FOXP1: variants seen among roughly 807,000 people sequenced by gnomAD.
FOXP1 encodes the protein forkhead box P1, also known as forkhead box protein P1.
FOXP1 carries 15 observed loss-of-function variants against 98.2 expected under a neutral mutation model. That is an observed-to-expected ratio of 0.15 (90% CI 0.10 to 0.24). FOXP1 has a LOEUF of 0.24. Among genes scored for constraint, FOXP1 ranks in the 10% least tolerant of loss-of-function variants. The pLI, the probability that FOXP1 is intolerant of heterozygous loss-of-function variation, is 1.00. For missense variants in FOXP1, 633 were observed against 848.5 expected, an observed-to-expected ratio of 0.75 and a Z score of 3.15; for synonymous variants, 371 against 314.5, an observed-to-expected ratio of 1.18 and a Z score of -1.90.
chr3:71,205,903 G>A (rs149140238), intron 5 of FOXP1, among the ~76,000 whole-genome samples: 32 of 152,184 alleles, frequency 2.1e-4, no homozygotes, highest in African/African-American at 6.7e-4. Flanking sequence ...AATGTAATAC[G>A]GCAGCTTTCT....
intron 3 of FOXP1, among the ~76,000 whole-genome samples, chr3:71,376,668 T>C (rs1179041430): frequency 6.6e-6 from 1 of 152,236 alleles, no homozygotes; most frequent in East Asian, 1.9e-4. Flanking sequence ...CACCATCAGC[T>C]TCAATTTTCC....
intron 11 of FOXP1, among the ~76,000 whole-genome samples, chr3:71,018,886 G>A (rs1393760896): frequency 2.0e-5 from 3 of 152,174 alleles, no homozygotes; most frequent in African/African-American, 7.2e-5. Context: ...ACATATGTGT[G>A]TTTGCATATA....
At chr3:71,344,690 T>G (rs1404474075) in intron 4 of FOXP1, among the ~76,000 whole-genome samples, 1 of 151,908 alleles carries the variant, frequency 6.6e-6, no homozygotes, top group Non-Finnish European at 1.5e-5. Context: ...TACAAAAAAA[T>G]TAGCCAGGCA....
intron 11 of FOXP1, among the ~76,000 whole-genome samples, chr3:71,032,572 G>C (rs1240120517): frequency 6.6e-6 from 1 of 152,192 alleles, no homozygotes; most frequent in African/African-American, 2.4e-5. Flanking sequence ...AAGAACTTCA[G>C]GAATGCTGTA....
At chr3:71,247,378 G>A (rs2067832873) in intron 5 of FOXP1, among the ~76,000 whole-genome samples, 1 of 152,136 alleles carries the variant, frequency 6.6e-6, no homozygotes, top group South Asian at 2.1e-4. Context: ...AGGGAGAAAC[G>A]ACAATGGGAC....
intron 3 of FOXP1, among the ~76,000 whole-genome samples, chr3:71,456,843 T>C (rs1211572270): frequency 6.6e-6 from 1 of 151,898 alleles, no homozygotes; most frequent in Non-Finnish European, 1.5e-5. Context: ...CTATGTCAAC[T>C]CATATCAGTG....
rs2108379756 is a variant in FOXP1 at position 71,198,193 on chromosome 3, G to A, written c.180+9C>T. On this transcript the variant is annotated intron_variant, in intron 6 of 20. Transcript: ENST00000649528. ...CACCTCCACCTCCCAAGACTCCAAA[G>A]CCCAGTACCTGTTGCTGCTGCTGCT... is the stretch of plus-strand genomic sequence containing the variant. 1 of 1,614,026 alleles carries A rather than the reference G, an allele frequency of 6.2e-7. No individual in the cohort carries two copies. Among genetic ancestry groups the A allele is most frequent in the Non-Finnish European group, 8.5e-7 (1 of 1,180,038 alleles).
intron 6 of FOXP1, among the ~76,000 whole-genome samples, chr3:71,166,126 G>A (rs769367339): frequency 2.1e-4 from 32 of 152,142 alleles, no homozygotes; most frequent in African/African-American, 6.8e-4. Context: ...AATACTTAGC[G>A]CCTCCTTGGC....
chr3:71,347,827 G>A (rs1044124343), intron 4 of FOXP1, among the ~76,000 whole-genome samples: 7 of 151,862 alleles, frequency 4.6e-5, no homozygotes, highest in Non-Finnish European at 1.0e-4. Flanking sequence ...GGAGGTTGCA[G>A]TGAGCAGAGA....
chr3:71,303,691 T>G (rs1447781393), intron 4 of FOXP1, among the ~76,000 whole-genome samples: 1 of 151,978 alleles, frequency 6.6e-6, no homozygotes, highest in African/African-American at 2.4e-5. Context: ...TCTCAAAGTT[T>G]GTTCTATGCC....
intron 12 of FOXP1, among the ~76,000 whole-genome samples, chr3:71,011,329 T>C (rs769153767): frequency 4.6e-5 from 7 of 152,156 alleles, no homozygotes; most frequent in Non-Finnish European, 5.9e-5. Flanking sequence ...ATCATGGTGA[T>C]TGGCTCAAAG....
At chr3:71,199,052 C>T (rs2063489991) in intron 5 of FOXP1, among the ~76,000 whole-genome samples, 1 of 151,556 alleles carries the variant, frequency 6.6e-6, no homozygotes, top group Admixed American at 6.6e-5. Context: ...TCCTATAGAG[C>T]ATATTAGGTA....
chr3:71,130,990 C>T (rs77622399), intron 6 of FOXP1: 39 of 917,430 alleles, frequency 4.3e-5, no homozygotes, highest in East Asian at 1.2e-4. Flanking sequence ...AACAGGGTTT[C>T]GGGAAACCTG....
chr3:71,261,227 G>C (rs1301900159), intron 5 of FOXP1, among the ~76,000 whole-genome samples: 1 of 151,860 alleles, frequency 6.6e-6, no homozygotes, highest in Admixed American at 6.6e-5. Flanking sequence ...TTAAGGTTTG[G>C]GCTATATTCT....
chr3:71,261,313 T>C (rs114710162), intron 5 of FOXP1, among the ~76,000 whole-genome samples: 2,424 of 152,184 alleles, frequency 0.016, 23 homozygotes, highest in Middle Eastern at 0.041. Context: ...ATCAAATACA[T>C]TAATAAAAAA....
rs571155235 is a variant in FOXP1 at position 71,074,329 on chromosome 3, C to T, written c.283-20556G>A. On this transcript the variant is annotated intron_variant, in intron 7 of 20. Transcript: ENST00000649528. ...TGCAACTTCTGCCTCCGGGTTCAAG[C>T]GATTCTTCTGCCTCAGCCTCCCCAG... Among the ~76,000 whole-genome samples, 29 of 152,208 alleles carry T rather than the reference C, an allele frequency of 1.9e-4. 1 individual carries two copies. In the South Asian group the frequency reaches 6.0e-3, roughly 32 times the overall value.
intron 14 of FOXP1, among the ~76,000 whole-genome samples, chr3:70,982,811 G>C (rs1389366329): frequency 1.3e-5 from 2 of 151,816 alleles, no homozygotes; most frequent in Non-Finnish European, 2.9e-5. Context: ...ACCCCTGACA[G>C]AAACAGACTT....
chr3:71,333,372 T>C (rs1439578582), intron 4 of FOXP1: 1 of 146,056 alleles, frequency 6.8e-6, no homozygotes, highest in Non-Finnish European at 1.5e-5. Flanking sequence ...ATAAAAATTT[T>C]GAGGTAAAAT....
chr3:71,044,956 C>G (rs1020433237), intron 10 of FOXP1, among the ~76,000 whole-genome samples: 2 of 152,052 alleles, frequency 1.3e-5, no homozygotes, highest in Admixed American at 6.6e-5. Flanking sequence ...GCCATCATCT[C>G]TCTGATAAAA....
Sources: gnomAD v4.1 joint callset for allele counts (sites outside exome capture counted in the v4.1 genomes callset) on GRCh38, gnomAD v4.1.1 for gene constraint, MANE v1.5 for transcripts, NCBI Gene and HGNC (gene_info 2026-07-23, HGNC 2026-07-21) for gene names.